Variants in GLUD1 observed in about 807,000 individuals in gnomAD.
The protein encoded by GLUD1 is glutamate dehydrogenase 1, mitochondrial.
A neutral mutation model predicts 56.0 loss-of-function variants in GLUD1; 22 were observed. That is an observed-to-expected ratio of 0.39 (90% CI 0.28 to 0.56). The LOEUF is 0.56. Among genes scored for constraint, GLUD1 ranks in the 20% least tolerant of loss-of-function variants. The pLI, the probability that GLUD1 is intolerant of heterozygous loss-of-function variation, is 0.58. For synonymous variants in GLUD1, 223 were observed against 269.9 expected, an observed-to-expected ratio of 0.83 and a Z score of 1.70; for missense variants, 451 against 732.0, an observed-to-expected ratio of 0.62 and a Z score of 4.43.
At chr10:87,056,144 AAAAAAAAGAAG>A (rs1278379103) in intron 11 of GLUD1, among the ~76,000 whole-genome samples, 1 of 149,904 alleles carries the variant, frequency 6.7e-6, no homozygotes, top group African/African-American at 2.5e-5. Flanking sequence ...AAAAAAACCA[AAAAAAAAGAAG>A]ATATAATTTA....
intron 2 of GLUD1, 41 bp from the exon 3 acceptor site, chr10:87,076,064 T>C (rs1806774886): frequency 7.3e-7 from 1 of 1,364,588 alleles, no homozygotes. Flanking sequence ...ATATAAATGT[T>C]AAAAAAGTAA....
At chr10:87,083,956 G>A (rs1841324175) in intron 1 of GLUD1, among the ~76,000 whole-genome samples, 1 of 152,206 alleles carries the variant, frequency 6.6e-6, no homozygotes, top group South Asian at 2.1e-4. Context: ...TTTTAACAAA[G>A]AGCAGGAGTC....
At chr10:87,078,973 TACA>T (rs200539207) in intron 1 of GLUD1, among the ~76,000 whole-genome samples, 2,134 of 152,292 alleles carry the variant, frequency 0.014, 29 homozygotes, top group Admixed American at 0.023. Flanking sequence ...ACCTCATTTC[TACA>T]ACAACAACAA....
chr10:87,079,179 A>C (rs1374580767), intron 1 of GLUD1, among the ~76,000 whole-genome samples: 1 of 152,168 alleles, frequency 6.6e-6, no homozygotes, highest in Non-Finnish European at 1.5e-5. Flanking sequence ...AATTTAAAAA[A>C]TAAAAAATTT....
chr10:87,082,135 T>C (rs943635982), intron 1 of GLUD1, among the ~76,000 whole-genome samples: 5 of 152,208 alleles, frequency 3.3e-5, no homozygotes, highest in Non-Finnish European at 5.9e-5. Flanking sequence ...AACTTGCATT[T>C]AGTGGGGAGC....
chr10:87,090,003 C>G (rs1265324801), intron 1 of GLUD1, among the ~76,000 whole-genome samples: 3 of 152,118 alleles, frequency 2.0e-5, no homozygotes, highest in African/African-American at 7.2e-5. Context: ...ATTTATGAAT[C>G]AATGTGCTCT....
intron 12 of GLUD1, among the ~76,000 whole-genome samples, chr10:87,053,063 C>T (rs1239006626): frequency 2.6e-5 from 4 of 152,160 alleles, no homozygotes; most frequent in Non-Finnish European, 5.9e-5. Context: ...AGCTACAATC[C>T]AGTTTGGCTA....
chr10:87,094,648 G>A lies in GLUD1; in HGVS notation c.122C>T (p.Pro41Leu). Residue 41 changes from proline to leucine, a missense_variant, in exon 1 of 13, where the codon CCG becomes CTG. Physicochemically the swap from Pro to Leu is moderately conservative, Grantham distance 98 (BLOSUM62 -3). Around this residue, in one of 4 missense-constraint regions of GLUD1, gnomAD observed 158 missense variants for 189.7 expected, o/e 0.83. Transcript: ENST00000277865. The surrounding 1 kb of genome is among the most constrained non-coding windows in gnomAD (Gnocchi z 6.6). ...GGCGGCCAATGCCAGCCCCGGCTGC[G>A]GGGCGGCGGCGGGCTGTCCCCGGGC... ...GWARGQPAAA[P>L]QPGLALAARR... The A allele has an allele frequency of 1.4e-5, 22 of 1,603,348 alleles. No homozygotes were observed. The highest frequency in any genetic ancestry group is 1.9e-5 in the Non-Finnish European group (22 of 1,175,992).
intron 3 of GLUD1, among the ~76,000 whole-genome samples, chr10:87,075,694 G>A (rs1846368610): frequency 6.6e-6 from 1 of 152,172 alleles, no homozygotes; most frequent in African/African-American, 2.4e-5. Context: ...GGCCAAGGCA[G>A]GTGGATCACC....
At position 87,058,869 on chromosome 10, in the gene GLUD1, C is replaced by T. The variant is rs531561196; in HGVS notation, c.1402+281G>A. Among the ~76,000 whole-genome samples the T allele has an allele frequency of 1.4e-4, 21 of 151,574 alleles. No individual in the cohort carries two copies. In the South Asian group the frequency reaches 3.8e-3, roughly 27 times the overall value. ...TCGTGCCACTGCACTCCAGCCTCGG[C>T]GACGGAGCGAGACTCCCTCTCAAAA... On this transcript the variant is annotated intron_variant, in intron 10 of 12. Coordinates refer to ENST00000277865, the MANE Select transcript of GLUD1 (RefSeq NM_005271.5).
At chr10:87,058,708 T>G (rs1048557298) in intron 10 of GLUD1, among the ~76,000 whole-genome samples, 3 of 152,116 alleles carry the variant, frequency 2.0e-5, no homozygotes, top group Admixed American at 6.5e-5. Flanking sequence ...CTGGCCAACA[T>G]GGTGAAACCC....
At chr10:87,077,252 C>G (rs780830347) in intron 1 of GLUD1, among the ~76,000 whole-genome samples, 2 of 152,072 alleles carry the variant, frequency 1.3e-5, no homozygotes, top group Non-Finnish European at 2.9e-5. Context: ...CTCAAGTGAT[C>G]CTCCCACCTT....
At chr10:87,078,586 C>T (rs148376574) in intron 1 of GLUD1, among the ~76,000 whole-genome samples, 2 of 151,772 alleles carry the variant, frequency 1.3e-5, no homozygotes, top group African/African-American at 4.8e-5. Context: ...AAATACATGC[C>T]GAATTAATAT....
In GLUD1 at chr10:87,094,316, G is replaced by A. The variant is rs1388686200; in HGVS notation, c.445+9C>T. ...AGGGAGGGCGGGACGGGGCCCGGCC[G>A]ACGCTCACCTCCCTTGCAGGGCGTG... On this transcript the variant is annotated intron_variant, in intron 1 of 12. Coordinates refer to ENST00000277865, the MANE Select transcript of GLUD1 (RefSeq NM_005271.5). The surrounding 1 kb of genome is among the most constrained non-coding windows in gnomAD (Gnocchi z 6.6). 9.4e-6 allele frequency: 15 copies of A among 1,601,436 alleles called. No individual in the cohort carries two copies. Among genetic ancestry groups the A allele is most frequent in the Non-Finnish European group, 1.2e-5 (14 of 1,175,092 alleles).
chr10:87,059,085 CCT>C (rs1845863817), intron 10 of GLUD1, 63 bp downstream of exon 10: 1 of 1,585,822 alleles, frequency 6.3e-7, no homozygotes, highest in East Asian at 2.2e-5. Context: ...CTTAAGTGGA[CCT>C]TTTTACAGCC....
At chr10:87,054,258 T>C (rs766327947) in intron 11 of GLUD1, among the ~76,000 whole-genome samples, 1 of 152,154 alleles carries the variant, frequency 6.6e-6, no homozygotes, top group Non-Finnish European at 1.5e-5. Flanking sequence ...CTTTATATTG[T>C]AGTGGGAAGA....
intron 3 of GLUD1, among the ~76,000 whole-genome samples, chr10:87,075,594 T>C (rs1412167090): frequency 6.6e-6 from 1 of 152,170 alleles, no homozygotes; most frequent in Non-Finnish European, 1.5e-5. Flanking sequence ...AGCCCAGTAA[T>C]TTCAAGTCCT....
At chr10:87,071,375 C>T (rs557272950) in intron 4 of GLUD1, among the ~76,000 whole-genome samples, 13 of 151,482 alleles carry the variant, frequency 8.6e-5, no homozygotes, top group African/African-American at 2.2e-4. Flanking sequence ...TTAGTAGAGA[C>T]GGGGTTTTAC....
chr10:87,094,164 A>G lies in GLUD1; in HGVS notation c.445+161T>C, dbSNP rs1230504129. 2 of 1,408,824 alleles carry G rather than the reference A, an allele frequency of 1.4e-6. No homozygotes were observed. Among genetic ancestry groups the G allele is most frequent in the African/African-American group, 1.4e-5 (1 of 69,540 alleles). 87.3% of individuals were successfully genotyped at this position (1,408,824 alleles called of 1,614,324 possible). ...TTTTAAGGCGGAAAAATCACCATCC[A>G]CAGAGCCGGCCACATCCGAGGCGGG... On this transcript the variant is annotated intron_variant, in intron 1 of 12. Coordinates refer to ENST00000277865, the MANE Select transcript of GLUD1 (RefSeq NM_005271.5). This position sits in a 1 kb window ranked among gnomAD's most constrained non-coding sequence, Gnocchi z 6.6.
Sources: gnomAD v4.1 joint callset for allele counts (sites outside exome capture counted in the v4.1 genomes callset) on GRCh38, gnomAD v4.1.1 for gene constraint, gnomAD v4.1.1 regional missense constraint, Gnocchi (gnomAD v3.1) non-coding constraint, MANE v1.5 for transcripts, NCBI Gene and HGNC (gene_info 2026-07-23, HGNC 2026-07-21) for gene names.